Variants in EPHB2 observed in about 807,000 individuals in gnomAD.
EPHB2 encodes the protein ephrin type-B receptor 2.
EPHB2 carries 18 observed loss-of-function variants against 96.4 expected under a neutral mutation model. The ratio of observed to expected loss-of-function variants is 0.19; its 90% CI spans 0.13 to 0.28. The LOEUF is 0.28. EPHB2 is among the 10% of genes least tolerant of loss of function. The pLI is 1.00. For synonymous variants in EPHB2, 506 were observed against 534.1 expected, an observed-to-expected ratio of 0.95 and a Z score of 0.72; for missense variants, 989 against 1,355.4, an observed-to-expected ratio of 0.73 and a Z score of 4.25.
chr1:22,811,801 G>C (rs1489234372), intron 3 of EPHB2, among the ~76,000 whole-genome samples: 1 of 152,236 alleles, frequency 6.6e-6, no homozygotes, highest in Non-Finnish European at 1.5e-5. Context: ...CTCTTTGGGA[G>C]GCCAAGGCAG....
intron 6 of EPHB2, among the ~76,000 whole-genome samples, chr1:22,883,254 G>A (rs2148552388): frequency 6.6e-6 from 1 of 152,370 alleles, no homozygotes; most frequent in South Asian, 2.1e-4. Context: ...CAGAGGCCAT[G>A]TGTGTCCCTG....
intron 3 of EPHB2, chr1:22,836,002 C>T (rs1173494275): frequency 6.6e-6 from 1 of 152,034 alleles, no homozygotes; most frequent in Non-Finnish European, 1.5e-5. Flanking sequence ...CACATCCATC[C>T]CAGAAACATC....
intron 6 of EPHB2, among the ~76,000 whole-genome samples, chr1:22,885,113 C>T (rs1028182688): frequency 3.3e-5 from 5 of 152,034 alleles, no homozygotes; most frequent in East Asian, 1.9e-4. Flanking sequence ...TGGAGGGCCT[C>T]GAAGGAGCAG....
chr1:22,828,340 CTG>C (rs1429375541), intron 3 of EPHB2, among the ~76,000 whole-genome samples: 3 of 152,180 alleles, frequency 2.0e-5, no homozygotes, highest in Non-Finnish European at 2.9e-5. Context: ...TCACCCAACA[CTG>C]TGGCTTGGGA....
At chr1:22,823,669 T>C (rs1279164846) in intron 3 of EPHB2, among the ~76,000 whole-genome samples, 1 of 152,234 alleles carries the variant, frequency 6.6e-6, no homozygotes, top group African/African-American at 2.4e-5. Context: ...GATGAATAAT[T>C]TGCGGGGTGA....
intron 3 of EPHB2, among the ~76,000 whole-genome samples, chr1:22,834,991 T>C (rs1645359012): frequency 6.6e-6 from 1 of 152,136 alleles, no homozygotes; most frequent in African/African-American, 2.4e-5. Flanking sequence ...GCATAGTTTG[T>C]CAACCTAATA....
chr1:22,829,758 G>T (rs1354808607), intron 3 of EPHB2, among the ~76,000 whole-genome samples: 1 of 152,284 alleles, frequency 6.6e-6, no homozygotes, highest in East Asian at 1.9e-4. Flanking sequence ...GCTTCCTGGA[G>T]GTGAGGCTGG....
At chr1:22,749,569 T>C (rs1180195949) in intron 1 of EPHB2, among the ~76,000 whole-genome samples, 1 of 152,188 alleles carries the variant, frequency 6.6e-6, no homozygotes, top group Non-Finnish European at 1.5e-5. Flanking sequence ...ACAGATCCTA[T>C]GTGACATCAG....
chr1:22,781,594 C>T (rs1644534017), intron 2 of EPHB2, 109 bp downstream of exon 2: 1 of 1,116,854 alleles, frequency 9.0e-7, no homozygotes, highest in Admixed American at 2.0e-5. Flanking sequence ...TCTTCAGGAC[C>T]CAGAGCCAGG....
chr1:22,740,497 T>C (rs919883778), intron 1 of EPHB2, among the ~76,000 whole-genome samples: 2 of 152,138 alleles, frequency 1.3e-5, no homozygotes, highest in Non-Finnish European at 2.9e-5. Flanking sequence ...CTTGGGATGG[T>C]ACCTCTGTGG....
intron 1 of EPHB2, among the ~76,000 whole-genome samples, chr1:22,780,131 G>T (rs1316355235): frequency 6.6e-6 from 1 of 152,218 alleles, no homozygotes; most frequent in Non-Finnish European, 1.5e-5. Context: ...GCTTGAAAGG[G>T]GTCCATTTAA....
chr1:22,735,135 G>GA (rs1182982556), intron 1 of EPHB2, among the ~76,000 whole-genome samples: 16 of 152,080 alleles, frequency 1.1e-4, no homozygotes, highest in Non-Finnish European at 2.4e-4. Context: ...TAAGAACAAG[G>GA]ACCTTTGCTG....
At chr1:22,907,762 G>T (rs544967518) in intron 11 of EPHB2, among the ~76,000 whole-genome samples, 191 bp from the exon 12 acceptor site, 1 of 152,328 alleles carries the variant, frequency 6.6e-6, no homozygotes, top group Non-Finnish European at 1.5e-5. Flanking sequence ...TTCAAAGCCT[G>T]TGTTCTCACC....
chr1:22,910,652 A>G, intron 14 of EPHB2, 77 bp downstream of exon 14: 1 of 1,531,206 alleles, frequency 6.5e-7, no homozygotes. Flanking sequence ...CCCCCACTTC[A>G]GGCAAATGCT....
intron 1 of EPHB2, among the ~76,000 whole-genome samples, chr1:22,721,907 C>T (rs1039572641): frequency 7.2e-5 from 11 of 151,962 alleles, no homozygotes; most frequent in Admixed American, 3.3e-4. Flanking sequence ...TAAGCCATTG[C>T]GCCCAGCCTG....
At chr1:22,840,452 A>T (rs1645449738) in intron 3 of EPHB2, among the ~76,000 whole-genome samples, 1 of 152,022 alleles carries the variant, frequency 6.6e-6, no homozygotes, top group African/African-American at 2.4e-5. Context: ...AAATGCCCCA[A>T]ATCATTTTAT....
intron 3 of EPHB2, among the ~76,000 whole-genome samples, chr1:22,834,802 T>C (rs1294311039): frequency 6.6e-6 from 1 of 151,710 alleles, no homozygotes; most frequent in Non-Finnish European, 1.5e-5. Flanking sequence ...GGCATGCACC[T>C]GTAACCCAGC....
At chr1:22,740,608 C>T (rs534207258) in intron 1 of EPHB2, among the ~76,000 whole-genome samples, 1 of 152,330 alleles carries the variant, frequency 6.6e-6, no homozygotes, top group Non-Finnish European at 1.5e-5. Context: ...CCAGGCAAGA[C>T]CCACTGGTCT....
At chr1:22,777,825 G>C (rs971598944) in intron 1 of EPHB2, among the ~76,000 whole-genome samples, 1 of 152,156 alleles carries the variant, frequency 6.6e-6, no homozygotes, top group Non-Finnish European at 1.5e-5. Context: ...GAAGCAGTAT[G>C]TGCAGGCACT....
Sources: allele counts gnomAD v4.1 joint callset (sites outside exome capture counted in the v4.1 genomes callset), GRCh38; gene constraint gnomAD v4.1.1; transcripts MANE v1.5; gene names NCBI Gene and HGNC (gene_info 2026-07-23, HGNC 2026-07-21).